TNR: variants seen among roughly 807,000 people sequenced by gnomAD.
The protein encoded by TNR is tenascin R, also known as tenascin-R.
Under a neutral mutation model 150.4 loss-of-function variants are expected in TNR, and 45 were observed. That is an observed-to-expected ratio of 0.30 (90% confidence interval 0.24 to 0.38). The LOEUF is 0.38. TNR is among the 10% of genes least tolerant of loss of function. The probability of loss-of-function intolerance (pLI) is 1.00; values close to 1 mark genes in which losing one functional copy is unlikely to be tolerated. For synonymous variants in TNR, 687 were observed against 678.4 expected (o/e 1.01, Z -0.20); for missense variants, 1,544 against 1,759.1 (o/e 0.88, Z 2.19).
At chr1:175,553,877 A>G (rs1002916656) in intron 1 of TNR, among the ~76,000 whole-genome samples, 1 of 151,708 alleles carries the variant, frequency 6.6e-6, no homozygotes, top group Non-Finnish European at 1.5e-5. Flanking sequence ...CTGGAAAAAC[A>G]GGATTCAAAA....
chr1:175,500,034 G>C (rs370378271), intron 2 of TNR, among the ~76,000 whole-genome samples: 1 of 152,150 alleles, frequency 6.6e-6, no homozygotes, highest in African/African-American at 2.4e-5. Flanking sequence ...TCCTGCCCCC[G>C]CATATGATGA....
chr1:175,406,885 G>GT (rs1653990191), intron 2 of TNR, 108 bp from the exon 3 acceptor site: 1 of 629,964 alleles, frequency 1.6e-6, no homozygotes, highest in Admixed American at 4.8e-5. Context: ...GATTTTCAAG[G>GT]GGGGGGCGTC....
chr1:175,695,264 T>C (rs909738), intron 1 of TNR, among the ~76,000 whole-genome samples: 1 of 152,218 alleles, frequency 6.6e-6, no homozygotes, highest in East Asian at 1.9e-4. Context: ...GTCCACATGG[T>C]GAGGACTGAA....
chr1:175,523,170 G>T (rs1659712020), intron 2 of TNR, among the ~76,000 whole-genome samples: 1 of 152,172 alleles, frequency 6.6e-6, no homozygotes. Flanking sequence ...CTGGGGAGGT[G>T]AGAATCCAGC....
intron 1 of TNR, among the ~76,000 whole-genome samples, chr1:175,690,221 C>G (rs1216591115): frequency 6.6e-6 from 1 of 152,216 alleles, no homozygotes; most frequent in East Asian, 1.9e-4. Context: ...TGAGTACCTA[C>G]TACGTGTGGG....
intron 1 of TNR, among the ~76,000 whole-genome samples, chr1:175,742,779 C>T (rs1008601792): frequency 2.0e-5 from 3 of 152,164 alleles, no homozygotes; most frequent in Admixed American, 1.3e-4. Flanking sequence ...CCACTCCCAA[C>T]CCCCCAGGCT....
At chr1:175,462,225 G>C (rs868547082) in intron 2 of TNR, among the ~76,000 whole-genome samples, 3 of 152,198 alleles carry the variant, frequency 2.0e-5, no homozygotes, top group East Asian at 3.8e-4. Context: ...CATAAAGGTA[G>C]AAGTGTTCCC....
At position 175,365,945 on chromosome 1, in the gene TNR, C is replaced by T. The variant is rs1192376762; in HGVS notation, c.2247G>A (p.Glu749=). ...TCTCAGCAGTGACGGAAATGATGTA[C>T]TCTGCCCCAGGCTCTAGATCTGTTA... The part of the protein sequence containing the change: ...YTLTDLEPGA[E]YIISVTAERG... The change falls in exon 11 of 23, where the codon GAG becomes GAA. Residue 749 remains glutamate, a synonymous_variant. Transcript: ENST00000367674. 2 of 1,614,110 alleles carry T rather than the reference C, an allele frequency of 1.2e-6. No individual in the cohort carries two copies. Among genetic ancestry groups the T allele is most frequent in the Non-Finnish European group, 1.7e-6 (2 of 1,180,000 alleles).
intron 2 of TNR, among the ~76,000 whole-genome samples, chr1:175,494,281 C>T (rs890553142): frequency 6.6e-6 from 1 of 152,156 alleles, no homozygotes; most frequent in African/African-American, 2.4e-5. Context: ...AAACAGTAAA[C>T]ATTATATTAA....
At chr1:175,462,105 T>G (rs1408740758) in intron 2 of TNR, among the ~76,000 whole-genome samples, 1 of 152,256 alleles carries the variant, frequency 6.6e-6, no homozygotes, top group African/African-American at 2.4e-5. Flanking sequence ...GTCCAGAGAA[T>G]GTCCAGTTGC....
chr1:175,622,330 G>A (rs987152110), intron 1 of TNR, among the ~76,000 whole-genome samples: 1 of 152,200 alleles, frequency 6.6e-6, no homozygotes, highest in African/African-American at 2.4e-5. Context: ...TGGGGCACCA[G>A]GCACCCATAG....
At chr1:175,634,037 AC>A (rs1664418369) in intron 1 of TNR, among the ~76,000 whole-genome samples, 1 of 151,538 alleles carries the variant, frequency 6.6e-6, no homozygotes, top group South Asian at 2.1e-4. Flanking sequence ...GATAAGGCCA[AC>A]CCCATGAAGT....
chr1:175,739,494 ACATGCACACACACACACACGCACG>A (rs996176959), intron 1 of TNR, among the ~76,000 whole-genome samples: 4 of 152,102 alleles, frequency 2.6e-5, no homozygotes, highest in Admixed American at 2.0e-4. Context: ...ACATGCACAC[ACATGCACACACACACACACGCACG>A]CACACACACA....
chr1:175,444,420 G>A (rs1319026888), intron 2 of TNR, among the ~76,000 whole-genome samples: 2 of 152,172 alleles, frequency 1.3e-5, no homozygotes, highest in Non-Finnish European at 2.9e-5. Flanking sequence ...ACATGAACAG[G>A]TGCATGACAG....
At chr1:175,417,077 A>AAGAAAGAAAGAAAGAAAGAAAG (rs1358494901) in intron 2 of TNR, among the ~76,000 whole-genome samples, 6 of 149,940 alleles carry the variant, frequency 4.0e-5, no homozygotes, top group African/African-American at 7.6e-5. Context: ...GAAAGAAAGA[A>AAGAAAGAAAGAAAGAAAGAAAG]ATCTAAGAAG....
At chr1:175,491,642 CTTTTTTT>C (rs60469855) in intron 2 of TNR, among the ~76,000 whole-genome samples, 1 of 85,182 alleles carries the variant, frequency 1.2e-5, no homozygotes, top group Non-Finnish European at 2.1e-5. Context: ...CAGGCCCAGA[CTTTTTTT>C]TTTTTTTTTT....
intron 1 of TNR, among the ~76,000 whole-genome samples, chr1:175,550,376 T>C (rs1452880770): frequency 2.0e-5 from 3 of 152,190 alleles, no homozygotes; most frequent in African/African-American, 7.2e-5. Context: ...TCTGAGATGC[T>C]GAATCAGATA....
At chr1:175,505,385 G>T (rs79482642) in intron 2 of TNR, among the ~76,000 whole-genome samples, 3,085 of 152,334 alleles carry the variant, frequency 0.02, 102 homozygotes, top group African/African-American at 0.071. Context: ...CTGACTGAGC[G>T]AGCAGGGAGA....
intron 21 of TNR, among the ~76,000 whole-genome samples, chr1:175,328,879 C>T (rs1649560493): frequency 6.6e-6 from 1 of 152,210 alleles, no homozygotes; most frequent in Admixed American, 6.5e-5. Context: ...ATCAGAATGG[C>T]TTTTCTACAG....
Sources: gnomAD v4.1 joint callset for allele counts (sites outside exome capture counted in the v4.1 genomes callset) on GRCh38, gnomAD v4.1.1 for gene constraint, MANE v1.5 for transcripts, NCBI Gene and HGNC (gene_info 2026-07-23, HGNC 2026-07-21) for gene names.